The following QTMAN variants were observed in gnomAD, a reference collection of about 807,000 sequenced individuals.
QTMAN encodes tRNA-queuosine alpha-mannosyltransferase.
chr2:144,283,044 T>C, the QTMAN span, among the ~76,000 whole-genome samples: 1 of 152,148 alleles, frequency 6.6e-6, no homozygotes, highest in Non-Finnish European at 1.5e-5. Flanking sequence ...TACACATCTC[T>C]TCATCTGGCT....
chr2:144,043,971 A>C, the QTMAN span, among the ~76,000 whole-genome samples: 1 of 152,328 alleles, frequency 6.6e-6, no homozygotes, highest in South Asian at 2.1e-4. Flanking sequence ...TATTTGCTAA[A>C]TTGGAGCAGG....
At chr2:144,153,104 G>C in the QTMAN span, among the ~76,000 whole-genome samples, 1 of 152,078 alleles carries the variant, frequency 6.6e-6, no homozygotes, top group Non-Finnish European at 1.5e-5. Flanking sequence ...GTTAGCGTTT[G>C]GAAAAAAATG....
the QTMAN span, among the ~76,000 whole-genome samples, chr2:144,198,567 T>C: frequency 2.4e-4 from 36 of 151,686 alleles, no homozygotes; most frequent in Admixed American, 1.5e-3. Context: ...GAAAGAAGAG[T>C]CAAGGACGCA....
At chr2:144,324,821 A>G in the QTMAN span, among the ~76,000 whole-genome samples, 11 of 152,044 alleles carry the variant, frequency 7.2e-5, no homozygotes, top group South Asian at 2.3e-3. Context: ...GTCAGTACAC[A>G]TCTCTGTGGC....
chr2:144,161,183 C>T, the QTMAN span, among the ~76,000 whole-genome samples: 2 of 152,132 alleles, frequency 1.3e-5, no homozygotes, highest in Non-Finnish European at 1.5e-5. Context: ...TGGGATCCTT[C>T]ATTACTTCTT....
chr2:143,940,612 C>T, the QTMAN span: 1 of 152,198 alleles, frequency 6.6e-6, no homozygotes, highest in South Asian at 2.1e-4. Context: ...CCTTTTCTTT[C>T]TGAGGAAGTA....
the QTMAN span, among the ~76,000 whole-genome samples, chr2:144,001,689 A>G: frequency 2.6e-5 from 4 of 151,922 alleles, no homozygotes; most frequent in Non-Finnish European, 5.9e-5. Context: ...TGATCAGAGC[A>G]GAATTTCTTA....
At chr2:144,098,498 T>C in the QTMAN span, among the ~76,000 whole-genome samples, 1 of 152,118 alleles carries the variant, frequency 6.6e-6, no homozygotes, top group African/African-American at 2.4e-5. Flanking sequence ...GCAGATTGTC[T>C]AAGCTCAGAA....
At chr2:144,279,582 C>T in the QTMAN span, among the ~76,000 whole-genome samples, 3 of 152,112 alleles carry the variant, frequency 2.0e-5, no homozygotes, top group African/African-American at 7.2e-5. Flanking sequence ...AATTCCAATT[C>T]AGCAGGTTTG....
At chr2:144,260,015 GAGAA>G in the QTMAN span, among the ~76,000 whole-genome samples, 1 of 152,150 alleles carries the variant, frequency 6.6e-6, no homozygotes, top group Non-Finnish European at 1.5e-5. Flanking sequence ...TTGGAGGTGG[GAGAA>G]AGAAAGTCTG....
the QTMAN span, chr2:144,011,670 T>G: frequency 4.1e-6 from 4 of 977,808 alleles, no homozygotes; most frequent in Non-Finnish European, 4.9e-6. Context: ...AATAATACCT[T>G]ACTGATGGGG....
At chr2:144,257,015 C>T in the QTMAN span, among the ~76,000 whole-genome samples, 1 of 146,814 alleles carries the variant, frequency 6.8e-6, no homozygotes, top group African/African-American at 2.5e-5. Flanking sequence ...CTTAAGAATA[C>T]AGTGATAGCA....
At chr2:144,078,632 TG>T in the QTMAN span, among the ~76,000 whole-genome samples, 2 of 152,122 alleles carry the variant, frequency 1.3e-5, no homozygotes, top group Non-Finnish European at 2.9e-5. Flanking sequence ...AAATAGCCAA[TG>T]AGTCCACACA....
the QTMAN span, among the ~76,000 whole-genome samples, chr2:144,311,158 C>A: frequency 6.6e-6 from 1 of 152,274 alleles, no homozygotes; most frequent in South Asian, 2.1e-4. Context: ...CATGAACAGA[C>A]ACATTCCTGG....
the QTMAN span, among the ~76,000 whole-genome samples, chr2:143,960,277 A>G: frequency 6.6e-6 from 1 of 152,100 alleles, no homozygotes; most frequent in Non-Finnish European, 1.5e-5. Context: ...GAGAGGAGGT[A>G]GTACATGTGT....
chr2:144,168,628 A>T, the QTMAN span, among the ~76,000 whole-genome samples: 13,276 of 152,234 alleles, frequency 0.087, 1,218 homozygotes, highest in African/African-American at 0.23. Flanking sequence ...TACAATAAAA[A>T]TTTAAATAAA....
chr2:144,044,661 T>C, the QTMAN span, among the ~76,000 whole-genome samples: 12 of 152,304 alleles, frequency 7.9e-5, no homozygotes, highest in East Asian at 2.3e-3. Context: ...TGTAAAGTAA[T>C]TCATAAAGAT....
chr2:144,031,600 A>G, the QTMAN span, among the ~76,000 whole-genome samples: 1 of 152,172 alleles, frequency 6.6e-6, no homozygotes, highest in African/African-American at 2.4e-5. Flanking sequence ...TGGTAAAAGT[A>G]CCCAAAGAAT....
the QTMAN span, among the ~76,000 whole-genome samples, chr2:144,024,619 G>A: frequency 2.6e-5 from 4 of 152,138 alleles, no homozygotes; most frequent in Non-Finnish European, 5.9e-5. Flanking sequence ...AATGCAAATG[G>A]TATACAAAAT....
Sources: allele counts gnomAD v4.1 joint callset (sites outside exome capture counted in the v4.1 genomes callset), GRCh38; gene constraint gnomAD v4.1.1; transcripts MANE v1.5; gene names NCBI Gene and HGNC (gene_info 2026-07-23, HGNC 2026-07-21).